Variants in NAALADL2 observed in about 807,000 individuals in gnomAD.
NAALADL2 encodes the protein inactive N-acetylated-alpha-linked acidic dipeptidase-like protein 2.
A neutral mutation model predicts 87.2 loss-of-function variants in NAALADL2; 76 were observed. The ratio of observed to expected loss-of-function variants is 0.87; its 90% confidence interval spans 0.72 to 1.05. The LOEUF (loss-of-function observed/expected upper bound fraction) is 1.05. NAALADL2 is among the 50% of genes least tolerant of loss of function. NAALADL2 has a pLI of 0.00. For synonymous variants in NAALADL2, 354 were observed against 331.0 expected (o/e 1.07, Z -0.75); for missense variants, 1,089 against 945.8 (o/e 1.15, Z -1.99).
intron 1 of NAALADL2, among the ~76,000 whole-genome samples, chr3:175,032,466 C>T (rs548512491): frequency 7.9e-5 from 12 of 152,038 alleles, no homozygotes; most frequent in African/African-American, 2.4e-4. Context: ...GCCAGGTGTT[C>T]ACCAAATAAT....
chr3:174,674,179 A>G (rs1377584962), intron 2 of NAALADL2, among the ~76,000 whole-genome samples: 1 of 151,936 alleles, frequency 6.6e-6, no homozygotes, highest in Non-Finnish European at 1.5e-5. Flanking sequence ...GAGAGTGAGG[A>G]GTGAGGTGCC....
chr3:175,208,588 C>T (rs1741304339), intron 2 of NAALADL2, among the ~76,000 whole-genome samples: 1 of 152,036 alleles, frequency 6.6e-6, no homozygotes, highest in South Asian at 2.1e-4. Flanking sequence ...ACAGCCAATC[C>T]CAGTAACTTG....
intron 5 of NAALADL2, among the ~76,000 whole-genome samples, chr3:175,342,335 G>A (rs9848216): frequency 0.063 from 9,549 of 152,172 alleles, 983 homozygotes; most frequent in African/African-American, 0.22. Context: ...AAAGTAGGAT[G>A]GGGAGTTATG....
chr3:175,437,958 G>T (rs1719012066), intron 5 of NAALADL2, among the ~76,000 whole-genome samples: 1 of 152,048 alleles, frequency 6.6e-6, no homozygotes, highest in East Asian at 1.9e-4. Flanking sequence ...AGCATAGCAA[G>T]ATGTTTTTGC....
intron 2 of NAALADL2, among the ~76,000 whole-genome samples, chr3:175,121,389 G>T (rs575004590): frequency 1.3e-5 from 2 of 151,834 alleles, no homozygotes. Flanking sequence ...AGAACTAGAT[G>T]TTTCACAACC....
Position 174,640,985 on chromosome 3 carries a change from G to A in NAALADL2, c.-115+90348G>A, listed in dbSNP as rs148769947. On this transcript the variant is annotated intron_variant, in intron 2 of 3. Transcript: ENST00000434257. The stretch of plus-strand genomic sequence containing the variant: ...GGTAGCAGAGACCGTTCCTTCCCCC[G>A]GGCTGCACCCTCCCCTCCAGGCGAG... Among the ~76,000 whole-genome samples the A allele has an allele frequency of 2.7e-3, 408 of 152,274 alleles. 1 individual carries two copies. Among genetic ancestry groups the A allele is most frequent in the African/African-American group, 9.1e-3 (380 of 41,552 alleles).
intron 1 of NAALADL2, chr3:174,540,721 A>C (rs890524244): frequency 6.6e-6 from 1 of 152,170 alleles, no homozygotes; most frequent in African/African-American, 2.4e-5. Context: ...GTTTTCCTTT[A>C]ATAAAGCTAT....
intron 2 of NAALADL2, among the ~76,000 whole-genome samples, chr3:175,136,765 C>G (rs1292900433): frequency 6.6e-6 from 1 of 152,042 alleles, no homozygotes; most frequent in Non-Finnish European, 1.5e-5. Context: ...TAGCAGATTT[C>G]TACTTTAAAG....
chr3:175,631,896 C>T (rs1441855267), intron 11 of NAALADL2, among the ~76,000 whole-genome samples: 3 of 152,056 alleles, frequency 2.0e-5, no homozygotes, highest in African/African-American at 4.8e-5. Flanking sequence ...GCTATCTATG[C>T]ATTCTGATAA....
chr3:174,965,599 A>G (rs186169509), intron 1 of NAALADL2, among the ~76,000 whole-genome samples: 1 of 152,284 alleles, frequency 6.6e-6, no homozygotes, highest in East Asian at 1.9e-4. Flanking sequence ...AAATATTTTT[A>G]AAGACAATAT....
Position 174,652,237 on chromosome 3 carries a change from G to A in NAALADL2, c.-114-85404G>A, listed in dbSNP as rs572339759. ...TTAGAGTGCAACAGCTGAGCTGTCA[G>A]TTAATTATACTCTGTGAAGTTAGAA... On this transcript the variant is annotated intron_variant, in intron 2 of 3. Coordinates refer to the NAALADL2 transcript ENST00000434257. 1.1e-4 allele frequency among the ~76,000 whole-genome samples: 17 copies of A among 152,324 alleles called. No homozygotes were observed. In the South Asian group the frequency reaches 2.3e-3, roughly 20 times the overall value.
intron 1 of NAALADL2, among the ~76,000 whole-genome samples, chr3:174,544,155 C>T (rs1404600969): frequency 1.3e-5 from 2 of 152,120 alleles, no homozygotes; most frequent in African/African-American, 2.4e-5. Flanking sequence ...CCAGTTTTTT[C>T]TTTTGATAGC....
At chr3:175,120,947 C>T (rs956128678) in intron 2 of NAALADL2, among the ~76,000 whole-genome samples, 1 of 151,800 alleles carries the variant, frequency 6.6e-6, no homozygotes, top group Non-Finnish European at 1.5e-5. Context: ...TTTCATAAAG[C>T]TATATATTGA....
In NAALADL2 at chr3:175,076,413, G is replaced by A. The variant is rs775921158; in HGVS notation, c.44-20377G>A. On this transcript the variant is annotated intron_variant, in intron 1 of 13. Coordinates refer to ENST00000454872, the MANE Select transcript of NAALADL2 (RefSeq NM_207015.3). ...GGCAGAGACTAAACCAGATATGCTCGATTTTAAAAGATAACTCTGATAGCA... is the reference window on the plus strand; with the variant it reads ...GGCAGAGACTAAACCAGATATGCTCAATTTTAAAAGATAACTCTGATAGCA... Among the ~76,000 whole-genome samples, 40 of 150,284 alleles carry A rather than the reference G, an allele frequency of 2.7e-4. 1 individual carries two copies. The highest frequency in any genetic ancestry group is 1.3e-4 in the Admixed American group (2 of 15,004).
chr3:174,610,759 A>T (rs960105831), intron 2 of NAALADL2, among the ~76,000 whole-genome samples: 3 of 152,122 alleles, frequency 2.0e-5, no homozygotes, highest in Non-Finnish European at 2.9e-5. Context: ...CAGTGTGGCG[A>T]TTTCTCAGGG....
chr3:174,802,125 T>C (rs1398463292), intron 3 of NAALADL2, among the ~76,000 whole-genome samples: 1 of 151,996 alleles, frequency 6.6e-6, no homozygotes, highest in Non-Finnish European at 1.5e-5. Context: ...TAATATATTT[T>C]TTTCTAACAA....
At chr3:175,042,891 G>A (rs942910863) in intron 1 of NAALADL2, among the ~76,000 whole-genome samples, 1 of 152,098 alleles carries the variant, frequency 6.6e-6, no homozygotes, top group African/African-American at 2.4e-5. Flanking sequence ...TCCCTAGGGA[G>A]TTAGTGAGTG....
intron 10 of NAALADL2, among the ~76,000 whole-genome samples, chr3:175,592,473 T>G: frequency 6.6e-6 from 1 of 152,126 alleles, no homozygotes; most frequent in Admixed American, 6.5e-5. Context: ...AGACTGTAGT[T>G]ACCTTTTCAC....
intron 5 of NAALADL2, among the ~76,000 whole-genome samples, chr3:175,443,415 TTTTA>T (rs752573151): frequency 1.3e-4 from 20 of 152,162 alleles, no homozygotes; most frequent in Non-Finnish European, 2.5e-4. Flanking sequence ...TTAAAGATGA[TTTTA>T]TTTATTTAAA....
Sources: gnomAD v4.1 joint callset for allele counts (sites outside exome capture counted in the v4.1 genomes callset) on GRCh38, gnomAD v4.1.1 for gene constraint, MANE v1.5 for transcripts, NCBI Gene and HGNC (gene_info 2026-07-23, HGNC 2026-07-21) for gene names.